Variants in ACOT12 observed in about 807,000 individuals in gnomAD.
ACOT12 encodes acetyl-coenzyme A thioesterase.
A neutral mutation model predicts 67.7 loss-of-function variants in ACOT12; 51 were observed. That is an observed-to-expected ratio of 0.75 (90% CI 0.60 to 0.95). ACOT12 has a LOEUF of 0.95. ACOT12 is among the 40% of genes least tolerant of loss of function. The pLI, the probability that ACOT12 is intolerant of heterozygous loss-of-function variation, is 0.00. For synonymous variants in ACOT12, 251 were observed against 244.6 expected, an observed-to-expected ratio of 1.03 and a Z score of -0.24; for missense variants, 734 against 708.1, an observed-to-expected ratio of 1.04 and a Z score of -0.41.
At chr5:81,386,733 T>G (rs1760732929) in intron 1 of ACOT12, among the ~76,000 whole-genome samples, 3 of 152,182 alleles carry the variant, frequency 2.0e-5, no homozygotes, top group Admixed American at 2.0e-4. Context: ...GTCTTCCTTG[T>G]GCGTACTGGA....
intron 2 of ACOT12, among the ~76,000 whole-genome samples, chr5:81,377,324 T>C (rs993352374): frequency 2.0e-5 from 3 of 152,138 alleles, no homozygotes; most frequent in Non-Finnish European, 2.9e-5. Flanking sequence ...TAAACTGATA[T>C]TGATGGAACG....
At chr5:81,365,810 A>C (rs1760060470) in intron 3 of ACOT12, among the ~76,000 whole-genome samples, 1 of 152,202 alleles carries the variant, frequency 6.6e-6, no homozygotes, top group Admixed American at 6.5e-5. Flanking sequence ...TAGGTTAGAG[A>C]AGAAAAACCT....
intron 8 of ACOT12, 45 bp from the exon 9 acceptor site, chr5:81,344,260 T>G: frequency 6.5e-7 from 1 of 1,538,602 alleles, no homozygotes; most frequent in Non-Finnish European, 8.9e-7. Flanking sequence ...AAATAAAATA[T>G]CTACTATCTT....
intron 5 of ACOT12, among the ~76,000 whole-genome samples, chr5:81,356,627 C>T (rs143527371): frequency 1.4e-4 from 21 of 152,172 alleles, no homozygotes; most frequent in Admixed American, 7.9e-4. Flanking sequence ...CAAAAATTGC[C>T]GTTCCCTGCC....
At chr5:81,319,444 G>A in the ACOT12 span, among the ~76,000 whole-genome samples, 30 of 152,306 alleles carry the variant, frequency 2.0e-4, no homozygotes, top group East Asian at 4.8e-3. Context: ...CAAGCTGGGC[G>A]CAGTGGCTCA....
intron 6 of ACOT12, among the ~76,000 whole-genome samples, chr5:81,347,186 T>C (rs1261702077): frequency 6.6e-6 from 1 of 152,188 alleles, no homozygotes; most frequent in African/African-American, 2.4e-5. Flanking sequence ...GGTGTGATCA[T>C]AGCTCACTGT....
chr5:81,386,994 C>CTTTTTTTTTTTTTTTTTTTTTTTTTTT (rs1052387807), intron 1 of ACOT12, among the ~76,000 whole-genome samples: 1 of 128,480 alleles, frequency 7.8e-6, no homozygotes, highest in Non-Finnish European at 1.6e-5. Context: ...GGATGAGTTC[C>CTTTTTTTTTTTTTTTTTTTTTTTTTTT]ATTTTTTTTT....
chr5:81,393,942 C>A (rs965878133), intron 1 of ACOT12, 46 bp downstream of exon 1: 53 of 1,296,986 alleles, frequency 4.1e-5, no homozygotes, highest in Non-Finnish European at 5.0e-5. Context: ...CCGCCGCTCC[C>A]GCAGCCCCGG....
At chr5:81,384,330 G>A (rs13154060) in intron 2 of ACOT12, among the ~76,000 whole-genome samples, 12,421 of 151,674 alleles carry the variant, frequency 0.082, 621 homozygotes, top group Middle Eastern at 0.15. Flanking sequence ...CAAAATAGAC[G>A]GGGTTTCATG....
intron 12 of ACOT12, 36 bp downstream of exon 12, chr5:81,335,732 A>G: frequency 6.3e-7 from 1 of 1,599,146 alleles, no homozygotes; most frequent in African/African-American, 1.3e-5. Context: ...CATTATGTCA[A>G]GGTTGATTGA....
intron 3 of ACOT12, among the ~76,000 whole-genome samples, chr5:81,370,246 C>T (rs1760207486): frequency 2.6e-5 from 4 of 152,130 alleles, no homozygotes; most frequent in Admixed American, 1.3e-4. Flanking sequence ...TGCACTCCAG[C>T]CTGGCAACAG....
chr5:81,344,092 G>C (rs1759293575), intron 9 of ACOT12, 68 bp downstream of exon 9: 1 of 1,499,392 alleles, frequency 6.7e-7, no homozygotes. Context: ...AGACCCAGAG[G>C]GGGGCTCTTA....
In ACOT12 at chr5:81,389,910, T is replaced by A. The variant is rs1376825426; in HGVS notation, c.127+4078A>T. Among the ~76,000 whole-genome samples the A allele has an allele frequency of 2.0e-5, 3 of 151,272 alleles. No homozygotes were observed. The East Asian group carries it at 5.8e-4, about 29-fold the overall frequency. On this transcript the variant is annotated intron_variant, in intron 1 of 14. Transcript: ENST00000307624. ...ATATTTGGAACTCTAATTATGTTTA[T>A]GTTTTATTTTTCCACAAATCTCTGA... is the stretch of plus-strand genomic sequence containing the variant.
chr5:81,311,960 T>A, the ACOT12 span, among the ~76,000 whole-genome samples: 1 of 152,196 alleles, frequency 6.6e-6, no homozygotes, highest in Non-Finnish European at 1.5e-5. Context: ...TTATTTCACG[T>A]AGTCACAACA....
chr5:81,328,219 G>A (rs1281969849), downstream of ACOT12, among the ~76,000 whole-genome samples: 1 of 151,924 alleles, frequency 6.6e-6, no homozygotes, highest in Non-Finnish European at 1.5e-5. Flanking sequence ...AGCCTACACT[G>A]ACCACCCTAC....
chr5:81,330,799 T>C lies in ACOT12; in HGVS notation c.1518+15A>G. The C allele has an allele frequency of 6.2e-7, 1 of 1,609,338 alleles. No homozygotes were observed. The highest frequency in any genetic ancestry group is 8.5e-7 in the Non-Finnish European group (1 of 1,178,824). ...GGCAGAGCCAATTAATCTGCAGATG[T>C]TTCATCAAACTTACGATGCATGAAT... On this transcript the variant is annotated intron_variant, in intron 14 of 14. Coordinates refer to ENST00000307624, the MANE Select transcript of ACOT12 (RefSeq NM_130767.3).
the ACOT12 span, among the ~76,000 whole-genome samples, chr5:81,317,498 T>TC: frequency 1.1e-5 from 1 of 88,404 alleles, no homozygotes. Context: ...CGAGACTCCA[T>TC]CCCAAAAAAA....
intron 3 of ACOT12, among the ~76,000 whole-genome samples, chr5:81,367,539 C>T (rs1242885755): frequency 1.3e-5 from 2 of 151,738 alleles, no homozygotes; most frequent in Non-Finnish European, 2.9e-5. Flanking sequence ...TATTGCAAAC[C>T]CGAGAAAAAC....
At chr5:81,354,948 T>A (rs1759665201) in intron 5 of ACOT12, among the ~76,000 whole-genome samples, 1 of 152,162 alleles carries the variant, frequency 6.6e-6, no homozygotes, top group African/African-American at 2.4e-5. Context: ...TGCCTCAGCC[T>A]CCCAAAGTGC....
Sources: allele counts gnomAD v4.1 joint callset (sites outside exome capture counted in the v4.1 genomes callset), GRCh38; gene constraint gnomAD v4.1.1; transcripts MANE v1.5; gene names NCBI Gene and HGNC (gene_info 2026-07-23, HGNC 2026-07-21).